The following PTPRT variants were observed in gnomAD, a reference collection of about 807,000 sequenced individuals.
The protein encoded by PTPRT is receptor-type tyrosine-protein phosphatase T.
Under a neutral mutation model 176.8 loss-of-function variants are expected in PTPRT, and 56 were observed. That is an observed-to-expected ratio of 0.32 (90% confidence interval 0.26 to 0.40). The LOEUF is 0.40. Among genes scored for constraint, PTPRT ranks in the 10% least tolerant of loss-of-function variants. The pLI is 1.00. For synonymous variants in PTPRT, 783 were observed against 739.0 expected, an observed-to-expected ratio of 1.06 and a Z score of -0.96; for missense variants, 1,540 against 1,908.2, an observed-to-expected ratio of 0.81 and a Z score of 3.60.
At chr20:42,258,934 A>T (rs891340230) in intron 13 of PTPRT, among the ~76,000 whole-genome samples, 4 of 152,194 alleles carry the variant, frequency 2.6e-5, no homozygotes, top group Middle Eastern at 3.4e-3. Context: ...AATACCCCAG[A>T]CTCCTCAATA....
chr20:42,566,684 C>T (rs1286893454), intron 7 of PTPRT, among the ~76,000 whole-genome samples: 1 of 152,144 alleles, frequency 6.6e-6, no homozygotes, highest in Non-Finnish European at 1.5e-5. Flanking sequence ...ACCTAGGTGA[C>T]CGAGTGACCA....
At chr20:42,864,277 C>T (rs977188486) in intron 2 of PTPRT, among the ~76,000 whole-genome samples, 1 of 152,152 alleles carries the variant, frequency 6.6e-6, no homozygotes, top group Non-Finnish European at 1.5e-5. Context: ...GGCCAGTAGG[C>T]GATGATGAAC....
downstream of PTPRT, among the ~76,000 whole-genome samples, chr20:42,070,217 C>T (rs76828521): frequency 5.3e-5 from 8 of 151,952 alleles, no homozygotes; most frequent in East Asian, 1.6e-3. Flanking sequence ...CCCTTGTCTC[C>T]AGGAATCTGA....
Position 42,606,401 on chromosome 20 carries a change from C to G in PTPRT, c.1153+71465G>C, listed in dbSNP as rs190911058. Among the ~76,000 whole-genome samples, 7 of 152,324 alleles carry G rather than the reference C, an allele frequency of 4.6e-5. No homozygotes were observed. In the East Asian group the frequency reaches 1.2e-3, roughly 25 times the overall value. ...GGGCTACAGCCTTGCCAACTGCTCA[C>G]AGATTTCAGCAAAGAAAACAGCAAT... is the stretch of plus-strand genomic sequence containing the variant. On this transcript the variant is annotated intron_variant, in intron 7 of 30. Transcript: ENST00000373187.
intron 1 of PTPRT, among the ~76,000 whole-genome samples, chr20:43,160,663 G>A (rs1370791681): frequency 1.7e-4 from 26 of 151,638 alleles, no homozygotes; most frequent in Non-Finnish European, 3.4e-4. Context: ...AGCCTTGAAA[G>A]AATATTTTTT....
intron 2 of PTPRT, among the ~76,000 whole-genome samples, chr20:42,869,850 G>A (rs571135329): frequency 2.6e-5 from 4 of 152,158 alleles, no homozygotes; most frequent in African/African-American, 9.7e-5. Context: ...TTACGAGTTG[G>A]GGCCTTTAGA....
Position 42,080,061 on chromosome 20 carries a change from G to A in PTPRT, c.*818C>T, listed in dbSNP as rs1176775091. The stretch of plus-strand genomic sequence containing the variant: ...GAAAGCTACCACCAAAGAAACACAG[G>A]GGTTACATCCTACAGGTCAGCCCAA... On this transcript the variant is annotated 3_prime_UTR_variant, in exon 31 of 31. Coordinates refer to ENST00000373187, the MANE Select transcript of PTPRT (RefSeq NM_007050.6). The A allele has an allele frequency of 5.2e-5, 12 of 232,672 alleles. No individual in the cohort carries two copies. The highest frequency in any genetic ancestry group is 1.8e-4 in the South Asian group (1 of 5,526). The allele number at this position is 232,672 out of a possible 1,614,324, so 14.4% of individuals were successfully genotyped here.
At chr20:42,038,242 T>C in the PTPRT span, among the ~76,000 whole-genome samples, 4,341 of 152,240 alleles carry the variant, frequency 0.029, 210 homozygotes, top group African/African-American at 0.099. Flanking sequence ...AATAAGGAGA[T>C]CGGCTCAGAG....
intron 1 of PTPRT, among the ~76,000 whole-genome samples, chr20:43,059,413 T>C (rs1382215315): frequency 6.6e-6 from 1 of 152,200 alleles, no homozygotes; most frequent in East Asian, 1.9e-4. Flanking sequence ...AATATCCAAT[T>C]TTATCATTCA....
chr20:42,116,570 T>C (rs565498283), intron 21 of PTPRT, among the ~76,000 whole-genome samples: 3 of 152,334 alleles, frequency 2.0e-5, no homozygotes, highest in East Asian at 3.9e-4. Context: ...ATACTTTACA[T>C]GTATTAATTC....
At chr20:42,169,791 C>CACACACAA (rs752547377) in intron 16 of PTPRT, among the ~76,000 whole-genome samples, 190 of 98,404 alleles carry the variant, frequency 1.9e-3, no homozygotes, top group African/African-American at 5.8e-3. Flanking sequence ...CACACACACA[C>CACACACAA]AACAGTCAGT....
intron 27 of PTPRT, among the ~76,000 whole-genome samples, chr20:42,093,866 G>A (rs1042415877): frequency 2.0e-5 from 3 of 152,182 alleles, no homozygotes; most frequent in Admixed American, 1.3e-4. Flanking sequence ...TTCATAAGGC[G>A]CCCAGCTGCT....
At chr20:42,214,922 T>C (rs1162852154) in intron 15 of PTPRT, among the ~76,000 whole-genome samples, 1 of 152,228 alleles carries the variant, frequency 6.6e-6, no homozygotes, top group Non-Finnish European at 1.5e-5. Context: ...TCTTGGGCAA[T>C]TGCTAAACCT....
In PTPRT at chr20:42,724,832, T is replaced by G. The variant is rs899202665; in HGVS notation, c.859+31630A>C. Among the ~76,000 whole-genome samples, 88 of 152,152 alleles carry G rather than the reference T, an allele frequency of 5.8e-4. 1 individual carries two copies. The highest frequency in any genetic ancestry group is 2.1e-3 in the African/African-American group (86 of 41,426). ...CTCTCTCCATTGCCACCTCTCCTCC[T>G]TTGACTCTGACCATCCCTGCCTCCC... On this transcript the variant is annotated intron_variant, in intron 6 of 30. Coordinates refer to ENST00000373187, the MANE Select transcript of PTPRT (RefSeq NM_007050.6).
At chr20:43,031,759 A>T (rs1986147774) in intron 1 of PTPRT, among the ~76,000 whole-genome samples, 1 of 152,216 alleles carries the variant, frequency 6.6e-6, no homozygotes, top group South Asian at 2.1e-4. Flanking sequence ...CACAGGGAAG[A>T]CCAACCAAAA....
At chr20:42,098,704 C>A (rs183533307) in intron 26 of PTPRT, 152 bp from the exon 27 acceptor site, 22 of 973,692 alleles carry the variant, frequency 2.3e-5, no homozygotes, top group Non-Finnish European at 3.1e-5. Flanking sequence ...CACGCCCTGG[C>A]GGCAAAGGGG....
intron 2 of PTPRT, among the ~76,000 whole-genome samples, chr20:42,867,882 A>C (rs2078776596): frequency 6.6e-6 from 1 of 151,972 alleles, no homozygotes; most frequent in Admixed American, 6.6e-5. Flanking sequence ...AGTTTTCACC[A>C]TGTTGACCAG....
At chr20:42,225,594 CTGTG>C (rs1056324215) in intron 15 of PTPRT, among the ~76,000 whole-genome samples, 2 of 152,074 alleles carry the variant, frequency 1.3e-5, no homozygotes, top group South Asian at 4.2e-4. Flanking sequence ...AAGTGTGTTT[CTGTG>C]TGTGTGTGTT....
At chr20:42,257,662 C>A (rs2056671973) in intron 13 of PTPRT, among the ~76,000 whole-genome samples, 2 of 119,266 alleles carry the variant, frequency 1.7e-5, no homozygotes, top group Non-Finnish European at 3.5e-5. Flanking sequence ...CCCCCGCCCA[C>A]TACTCTCTCT....
Sources: allele counts gnomAD v4.1 joint callset (sites outside exome capture counted in the v4.1 genomes callset), GRCh38; gene constraint gnomAD v4.1.1; transcripts MANE v1.5; gene names NCBI Gene and HGNC (gene_info 2026-07-23, HGNC 2026-07-21).